The following SYNPR variants were observed in gnomAD, a reference collection of about 807,000 sequenced individuals.
SYNPR encodes the protein synaptoporin.
SYNPR carries 23 observed loss-of-function variants against 32.9 expected under a neutral mutation model. That is an observed-to-expected ratio of 0.70 (90% CI 0.50 to 0.99). The LOEUF (loss-of-function observed/expected upper bound fraction) is 0.99. SYNPR is among the 50% of genes least tolerant of loss of function. The pLI, the probability that SYNPR is intolerant of heterozygous loss-of-function variation, is 0.00. For synonymous variants in SYNPR, 146 were observed against 135.9 expected (o/e 1.07, Z -0.52); for missense variants, 318 against 349.3 (o/e 0.91, Z 0.71).
chr3:63,385,341 C>G (rs1575618892), intron 2 of SYNPR, among the ~76,000 whole-genome samples: 1 of 152,278 alleles, frequency 6.6e-6, no homozygotes, highest in Non-Finnish European at 1.5e-5. Flanking sequence ...TGGCACCAAA[C>G]TGAGACTTTC....
chr3:63,470,540 T>C (rs897767149), intron 2 of SYNPR, among the ~76,000 whole-genome samples: 3 of 152,176 alleles, frequency 2.0e-5, no homozygotes, highest in Non-Finnish European at 2.9e-5. Context: ...CTAGGAAGTA[T>C]CTAGTGAAAA....
At chr3:63,614,978 T>C (rs1165722482) in intron 5 of SYNPR, among the ~76,000 whole-genome samples, 2 of 152,222 alleles carry the variant, frequency 1.3e-5, no homozygotes, top group African/African-American at 2.4e-5. Flanking sequence ...AACTTTTTCC[T>C]AGACTGATTC....
At chr3:63,416,202 G>A (rs1218442175) in intron 2 of SYNPR, among the ~76,000 whole-genome samples, 1 of 152,152 alleles carries the variant, frequency 6.6e-6, no homozygotes, top group Admixed American at 6.5e-5. Context: ...TTTACGTGCA[G>A]TCACATGTAA....
At chr3:63,357,148 C>A (rs2087593531) in intron 2 of SYNPR, among the ~76,000 whole-genome samples, 1 of 152,186 alleles carries the variant, frequency 6.6e-6, no homozygotes, top group Admixed American at 6.5e-5. Context: ...GGTTTCTCAG[C>A]TTTATCAGAG....
chr3:63,337,232 CA>C (rs67376099), intron 2 of SYNPR, among the ~76,000 whole-genome samples: 12,583 of 55,236 alleles, frequency 0.23, 174 homozygotes, highest in South Asian at 0.38. Context: ...ACTCTGTCTC[CA>C]AAAAAAAAAA....
At chr3:63,335,473 TG>T (rs1209622581) in intron 2 of SYNPR, among the ~76,000 whole-genome samples, 5 of 152,138 alleles carry the variant, frequency 3.3e-5, no homozygotes, top group South Asian at 2.1e-4. Context: ...CCACTGTACC[TG>T]AAAGTCCAGG....
chr3:63,363,279 G>A (rs1269961619), intron 2 of SYNPR, among the ~76,000 whole-genome samples: 1 of 152,114 alleles, frequency 6.6e-6, no homozygotes, highest in Non-Finnish European at 1.5e-5. Flanking sequence ...GAAGATTTCA[G>A]AAAAAATAAT....
intron 2 of SYNPR, among the ~76,000 whole-genome samples, chr3:63,459,998 C>G (rs1437365552): frequency 6.6e-6 from 1 of 152,098 alleles, no homozygotes; most frequent in African/African-American, 2.4e-5. Flanking sequence ...ACTTCGCTGT[C>G]TGTCTCAGAT....
chr3:63,363,421 G>C (rs555985988), intron 2 of SYNPR, among the ~76,000 whole-genome samples: 2 of 152,286 alleles, frequency 1.3e-5, no homozygotes, highest in Admixed American at 6.5e-5. Flanking sequence ...TTGTCTCTGA[G>C]AGCTTCTGAG....
At chr3:63,528,587 G>T (rs563289220) in intron 3 of SYNPR, among the ~76,000 whole-genome samples, 2 of 152,146 alleles carry the variant, frequency 1.3e-5, no homozygotes, top group South Asian at 4.2e-4. Flanking sequence ...TTGAGTCAGG[G>T]TTTATTCACA....
At chr3:63,538,152 G>A (rs535816033) in intron 3 of SYNPR, among the ~76,000 whole-genome samples, 38 of 152,144 alleles carry the variant, frequency 2.5e-4, no homozygotes, top group African/African-American at 7.7e-4. Context: ...ACATTTGATC[G>A]TGAGGCTTTT....
At chr3:63,411,619 C>T (rs764652418) in intron 2 of SYNPR, among the ~76,000 whole-genome samples, 26 of 151,948 alleles carry the variant, frequency 1.7e-4, no homozygotes, top group Non-Finnish European at 3.4e-4. Context: ...AGACAGCCAG[C>T]GGGTGAAAGA....
chr3:63,264,517 C>G (rs2106903398), intron 2 of SYNPR, among the ~76,000 whole-genome samples: 1 of 152,256 alleles, frequency 6.6e-6, no homozygotes, highest in Non-Finnish European at 1.5e-5. Flanking sequence ...GAAACAACTC[C>G]TATCAGCACA....
chr3:63,385,667 T>C (rs2088029765), intron 2 of SYNPR, among the ~76,000 whole-genome samples: 1 of 152,202 alleles, frequency 6.6e-6, no homozygotes, highest in Non-Finnish European at 1.5e-5. Context: ...AAAACTAATT[T>C]AGTTTTTTTC....
At chr3:63,473,169 C>A (rs1700836338) in intron 2 of SYNPR, among the ~76,000 whole-genome samples, 1 of 152,166 alleles carries the variant, frequency 6.6e-6, no homozygotes, top group Non-Finnish European at 1.5e-5. Context: ...CTCCCTCTTA[C>A]CTGGATAACT....
chr3:63,482,108 C>T (rs1051062431), intron 3 of SYNPR, among the ~76,000 whole-genome samples: 3 of 152,018 alleles, frequency 2.0e-5, no homozygotes, highest in African/African-American at 4.8e-5. Flanking sequence ...GCTGGTGTGG[C>T]GGTGGAGAGC....
chr3:63,481,858 G>C (rs72885484), intron 3 of SYNPR, among the ~76,000 whole-genome samples: 16 of 152,084 alleles, frequency 1.1e-4, no homozygotes, highest in Admixed American at 3.3e-4. Flanking sequence ...GCCAATGGCC[G>C]GGCAGCGGGG....
intron 2 of SYNPR, among the ~76,000 whole-genome samples, chr3:63,257,213 G>C (rs2086392326): frequency 6.6e-6 from 1 of 152,088 alleles, no homozygotes; most frequent in African/African-American, 2.4e-5. Flanking sequence ...AGGAAATATA[G>C]AGAATGCCAC....
upstream of SYNPR, among the ~76,000 whole-genome samples, chr3:63,224,611 C>T (rs1270029935): frequency 6.6e-6 from 1 of 152,130 alleles, no homozygotes; most frequent in Non-Finnish European, 1.5e-5. Context: ...TCAGTTTGTC[C>T]AGAGTGGCCA....
Sources: gnomAD v4.1 joint callset for allele counts (sites outside exome capture counted in the v4.1 genomes callset) on GRCh38, gnomAD v4.1.1 for gene constraint, MANE v1.5 for transcripts, NCBI Gene and HGNC (gene_info 2026-07-23, HGNC 2026-07-21) for gene names.